The following MTM1 variants were observed in gnomAD, a reference collection of about 807,000 sequenced individuals.
The protein encoded by MTM1 is myotubularin.
Under a neutral mutation model 52.1 loss-of-function variants are expected in MTM1, and 9 were observed. The ratio of observed to expected loss-of-function variants is 0.17; its 90% CI spans 0.10 to 0.30. The LOEUF is 0.30. Ranked by LOEUF, MTM1 falls within the 10% of genes least tolerant of loss-of-function variation. MTM1 has a pLI of 1.00. For missense variants in MTM1, 277 were observed against 470.7 expected, an observed-to-expected ratio of 0.59 and a Z score of 3.81; for synonymous variants, 136 against 163.8, an observed-to-expected ratio of 0.83 and a Z score of 1.29.
chrX:150,565,150 C>A (rs781871536), upstream of MTM1, among the ~76,000 whole-genome samples: 4 of 112,293 alleles, frequency 3.6e-5, no homozygotes, highest in African/African-American at 1.3e-4. Context: ...CCCCAGTGAT[C>A]ACCGTGGCAA....
At chrX:150,595,181 G>A (rs2038954274) in intron 2 of MTM1, among the ~76,000 whole-genome samples, 1 of 111,687 alleles carries the variant, frequency 9.0e-6, no homozygotes, top group African/African-American at 3.3e-5. Context: ...ATTTACAGAA[G>A]TGTGCACAGT....
At chrX:150,613,868 A>T (rs1421920961) in intron 4 of MTM1, among the ~76,000 whole-genome samples, 1 of 112,244 alleles carries the variant, frequency 8.9e-6, no homozygotes, top group Non-Finnish European at 1.9e-5. Flanking sequence ...AGCGTTGGAT[A>T]GCAAATGATG....
chrX:150,597,579 A>G (rs2038999051), intron 3 of MTM1, among the ~76,000 whole-genome samples: 1 of 112,006 alleles, frequency 8.9e-6, no homozygotes, highest in Admixed American at 9.5e-5. Flanking sequence ...TTTATTTAGA[A>G]CTTGAAGAGA....
chrX:150,601,186 A>G (rs1162454787), intron 4 of MTM1, among the ~76,000 whole-genome samples: 1 of 111,698 alleles, frequency 9.0e-6, no homozygotes, highest in East Asian at 2.8e-4. Flanking sequence ...TGAGTGGGTG[A>G]ATAAAATGCC....
intron 1 of MTM1, among the ~76,000 whole-genome samples, chrX:150,586,348 TATCTG>T: frequency 9.0e-6 from 1 of 111,386 alleles, no homozygotes. Context: ...TATTTTTAGA[TATCTG>T]AGCCTGAATA....
intron 1 of MTM1, chrX:150,591,080 CT>C: frequency 1.4e-6 from 1 of 709,123 alleles, no homozygotes; most frequent in Non-Finnish European, 1.7e-6. Flanking sequence ...ACGATTTTGT[CT>C]GAATTTAATT....
At chrX:150,586,155 C>T (rs1356174993) in intron 1 of MTM1, among the ~76,000 whole-genome samples, 4 of 112,098 alleles carry the variant, frequency 3.6e-5, no homozygotes, top group Non-Finnish European at 7.5e-5. Flanking sequence ...AAATGAAATA[C>T]TATATAGCAT....
intron 1 of MTM1, among the ~76,000 whole-genome samples, chrX:150,573,965 G>A (rs1557411542): frequency 5.4e-5 from 6 of 111,574 alleles, no homozygotes. Flanking sequence ...CGGTTAACAC[G>A]GGTTATGTGA....
At chrX:150,572,277 G>A (rs1240438404) in intron 1 of MTM1, among the ~76,000 whole-genome samples, 1 of 111,793 alleles carries the variant, frequency 8.9e-6, no homozygotes, top group Non-Finnish European at 1.9e-5. Flanking sequence ...TCCAGAGTTC[G>A]TCAGAGAATC....
chrX:150,572,301 A>G (rs2038391728), intron 1 of MTM1, among the ~76,000 whole-genome samples: 1 of 111,771 alleles, frequency 8.9e-6, no homozygotes, highest in South Asian at 3.7e-4. Context: ...TGTGCCTCAG[A>G]GCCCTTTGTA....
chrX:150,583,290 T>A (rs1379283476), intron 1 of MTM1, among the ~76,000 whole-genome samples: 1 of 58,219 alleles, frequency 1.7e-5, no homozygotes, highest in Non-Finnish European at 2.8e-5. Flanking sequence ...TAAATATATA[T>A]AAATTATATA....
intron 6 of MTM1, among the ~76,000 whole-genome samples, chrX:150,621,569 G>A (rs1179913913): frequency 3.7e-5 from 4 of 109,273 alleles, no homozygotes; most frequent in Non-Finnish European, 5.7e-5. Flanking sequence ...AGCTGCACAG[G>A]GCTGCCCTAT....
chrX:150,645,564 A>G, intron 8 of MTM1, 119 bp from the exon 9 acceptor site: 1 of 669,068 alleles, frequency 1.5e-6, no homozygotes, highest in Non-Finnish European at 2.4e-6. Context: ...CAAGTATTCT[A>G]TTTTAGCACA....
upstream of MTM1, among the ~76,000 whole-genome samples, chrX:150,567,647 G>A (rs953350051): frequency 1.1e-4 from 12 of 111,188 alleles, no homozygotes; most frequent in African/African-American, 3.9e-4. Context: ...TCTCCCTCCC[G>A]GGTTCAAGCG....
chrX:150,583,496 A>ATT (rs1360475632), intron 1 of MTM1, among the ~76,000 whole-genome samples: 1 of 28,321 alleles, frequency 3.5e-5, no homozygotes, highest in African/African-American at 1.2e-4. Flanking sequence ...TTATATATAA[A>ATT]TTATAAATAT....
intron 1 of MTM1, among the ~76,000 whole-genome samples, chrX:150,583,793 AAAAT>A (rs2031017841): frequency 2.0e-5 from 1 of 50,921 alleles, no homozygotes; most frequent in Non-Finnish European, 3.3e-5. Flanking sequence ...AAATATATAT[AAAAT>A]ATATATTAAA....
intron 5 of MTM1, among the ~76,000 whole-genome samples, chrX:150,617,931 T>G (rs1557413178): frequency 8.9e-6 from 1 of 111,811 alleles, no homozygotes; most frequent in South Asian, 3.7e-4. Flanking sequence ...AATTGACTTT[T>G]TTTTTTAAGA....
intron 6 of MTM1, among the ~76,000 whole-genome samples, chrX:150,628,566 G>A (rs1557413471): frequency 9.0e-6 from 1 of 110,594 alleles, no homozygotes; most frequent in Non-Finnish European, 1.9e-5. Context: ...AGCTGTTATA[G>A]AACTTCAAGC....
intron 9 of MTM1, 80 bp downstream of exon 9, chrX:150,645,951 A>G: frequency 1.1e-6 from 1 of 933,397 alleles, no homozygotes; most frequent in East Asian, 3.1e-5. Flanking sequence ...TTGCCATGAT[A>G]TAGAAACACG....
Sources: gnomAD v4.1 joint callset for allele counts (sites outside exome capture counted in the v4.1 genomes callset) on GRCh38, gnomAD v4.1.1 for gene constraint, MANE v1.5 for transcripts, NCBI Gene and HGNC (gene_info 2026-07-23, HGNC 2026-07-21) for gene names.